Variants in DLGAP1 observed in about 807,000 individuals in gnomAD.
The protein encoded by DLGAP1 is DLG associated protein 1.
A neutral mutation model predicts 90.8 loss-of-function variants in DLGAP1; 11 were observed. The ratio of observed to expected loss-of-function variants is 0.12; its 90% CI spans 0.08 to 0.20. The LOEUF (loss-of-function observed/expected upper bound fraction) is 0.20. Ranked by LOEUF, DLGAP1 falls within the 10% of genes least tolerant of loss-of-function variation. The pLI, the probability that DLGAP1 is intolerant of heterozygous loss-of-function variation, is 1.00. For synonymous variants in DLGAP1, 558 were observed against 540.7 expected (o/e 1.03, Z -0.44); for missense variants, 1,050 against 1,333.8 (o/e 0.79, Z 3.31).
At chr18:3,684,356 A>T (rs1356922221) in intron 7 of DLGAP1, among the ~76,000 whole-genome samples, 5 of 109,246 alleles carry the variant, frequency 4.6e-5, no homozygotes, top group Admixed American at 3.1e-4. Flanking sequence ...TGCCTGGCTA[A>T]TTTTTTTTTT....
intron 1 of DLGAP1, among the ~76,000 whole-genome samples, chr18:4,403,364 C>A (rs559231245): frequency 6.6e-6 from 1 of 152,234 alleles, no homozygotes; most frequent in East Asian, 1.9e-4. Context: ...ATTTTACCCA[C>A]ATAATGAAAA....
intron 1 of DLGAP1, among the ~76,000 whole-genome samples, chr18:4,233,731 T>C (rs986687822): frequency 6.6e-6 from 1 of 152,160 alleles, no homozygotes; most frequent in Non-Finnish European, 1.5e-5. Context: ...CCCTCAGAGA[T>C]CAATTAGTTT....
intron 1 of DLGAP1, among the ~76,000 whole-genome samples, chr18:4,188,862 T>TA (rs2077346360): frequency 6.6e-6 from 1 of 152,164 alleles, no homozygotes. Flanking sequence ...AAGCGTCACA[T>TA]AAAGTCATTG....
chr18:4,058,675 T>C (rs907655331), intron 2 of DLGAP1, among the ~76,000 whole-genome samples: 54 of 152,320 alleles, frequency 3.5e-4, no homozygotes, highest in African/African-American at 1.2e-3. Flanking sequence ...ATCCAACATA[T>C]AAAGGCTTTC....
chr18:3,592,860 A>AG (rs1174455676), intron 7 of DLGAP1, among the ~76,000 whole-genome samples: 2 of 127,534 alleles, frequency 1.6e-5, no homozygotes, highest in Non-Finnish European at 3.2e-5. Context: ...AAAAAAAAAA[A>AG]AAAAAAAGAA....
intron 10 of DLGAP1, among the ~76,000 whole-genome samples, chr18:3,522,185 G>A (rs1391414080): frequency 7.5e-6 from 1 of 133,168 alleles, no homozygotes; most frequent in Non-Finnish European, 1.5e-5. Flanking sequence ...TGCCCAGGCT[G>A]GAGTGCAATA....
At chr18:4,168,064 C>T (rs1385602439) in intron 1 of DLGAP1, among the ~76,000 whole-genome samples, 1 of 152,084 alleles carries the variant, frequency 6.6e-6, no homozygotes, top group Non-Finnish European at 1.5e-5. Context: ...TTGTCAAGGT[C>T]CTATGTAGAC....
At chr18:3,926,563 T>C (rs987134335) in intron 3 of DLGAP1, among the ~76,000 whole-genome samples, 1 of 151,870 alleles carries the variant, frequency 6.6e-6, no homozygotes, top group African/African-American at 2.4e-5. Flanking sequence ...TCTATACATA[T>C]GTGTGTATAT....
intron 1 of DLGAP1, among the ~76,000 whole-genome samples, chr18:4,387,513 T>C (rs2082254541): frequency 6.6e-6 from 1 of 152,230 alleles, no homozygotes; most frequent in African/African-American, 2.4e-5. Flanking sequence ...GGCATACTTC[T>C]AATTATGTCT....
chr18:4,311,526 G>GA (rs1256475740), intron 1 of DLGAP1, among the ~76,000 whole-genome samples: 1 of 152,072 alleles, frequency 6.6e-6, no homozygotes, highest in African/African-American at 2.4e-5. Flanking sequence ...AATTGTCTAG[G>GA]GGCTACACTG....
chr18:4,410,632 A>G (rs1308820325), intron 1 of DLGAP1, among the ~76,000 whole-genome samples: 2 of 152,136 alleles, frequency 1.3e-5, no homozygotes, highest in Non-Finnish European at 2.9e-5. Flanking sequence ...GGAATTACAT[A>G]TACAGTATCC....
At chr18:4,178,202 A>AACACACACACACACACACACAC (rs59444096) in intron 1 of DLGAP1, among the ~76,000 whole-genome samples, 1 of 118,410 alleles carries the variant, frequency 8.4e-6, no homozygotes, top group African/African-American at 3.3e-5. Context: ...TCCTGGAATA[A>AACACACACACACACACACACAC]ACACACACAC....
At chr18:3,714,357 T>C (rs758230179) in intron 7 of DLGAP1, among the ~76,000 whole-genome samples, 40 of 147,894 alleles carry the variant, frequency 2.7e-4, no homozygotes, top group Non-Finnish European at 4.6e-4. Context: ...AACACAGCCA[T>C]AGGTTGTGCA....
intron 3 of DLGAP1, among the ~76,000 whole-genome samples, chr18:3,970,422 C>A (rs900609721): frequency 2.6e-5 from 4 of 152,106 alleles, no homozygotes; most frequent in Admixed American, 2.6e-4. Context: ...AAAAAGCTCT[C>A]CAAAGAAAGA....
intron 7 of DLGAP1, among the ~76,000 whole-genome samples, chr18:3,723,686 T>C (rs2062057454): frequency 6.6e-6 from 1 of 152,080 alleles, no homozygotes; most frequent in Non-Finnish European, 1.5e-5. Context: ...TAGGAGAACT[T>C]TCTGAATGTT....
At chr18:4,199,641 C>T (rs12605544) in intron 1 of DLGAP1, among the ~76,000 whole-genome samples, 125,411 of 152,214 alleles carry the variant, frequency 0.82, 51,868 homozygotes, top group East Asian at 0.95. Context: ...CTTCTGGATC[C>T]GCCTTTAGAA....
intron 1 of DLGAP1, chr18:4,264,868 C>G (rs897550076): frequency 6.6e-6 from 1 of 152,182 alleles, no homozygotes; most frequent in African/African-American, 2.4e-5. Context: ...GTGCACCAAC[C>G]TTTGAAACAG....
chr18:3,781,051 C>G (rs1235901946), intron 5 of DLGAP1, among the ~76,000 whole-genome samples: 1 of 152,112 alleles, frequency 6.6e-6, no homozygotes, highest in Non-Finnish European at 1.5e-5. Context: ...CGGTCTTGAA[C>G]CCCTGGGCTT....
chr18:4,051,304 T>C (rs113003247), intron 2 of DLGAP1, among the ~76,000 whole-genome samples: 15,510 of 152,214 alleles, frequency 0.1, 835 homozygotes, highest in Middle Eastern at 0.21. Flanking sequence ...GACTGGGTAA[T>C]TTAGAAAGGA....
Sources: gnomAD v4.1 joint callset for allele counts (sites outside exome capture counted in the v4.1 genomes callset) on GRCh38, gnomAD v4.1.1 for gene constraint, MANE v1.5 for transcripts, NCBI Gene and HGNC (gene_info 2026-07-23, HGNC 2026-07-21) for gene names.